Variants in FBH1 observed in about 807,000 individuals in gnomAD.
The protein encoded by FBH1 is F-box DNA helicase 1, also known as DNA 3'-5' helicase 1.
Under a neutral mutation model 115.5 loss-of-function variants are expected in FBH1, and 43 were observed. The ratio of observed to expected loss-of-function variants is 0.37; its 90% CI spans 0.29 to 0.48. The LOEUF (loss-of-function observed/expected upper bound fraction) is 0.48. FBH1 is among the 20% of genes least tolerant of loss of function. The pLI is 0.99. For missense variants in FBH1, 1,001 were observed against 1,337.3 expected, an observed-to-expected ratio of 0.75 and a Z score of 3.92; for synonymous variants, 524 against 507.8, an observed-to-expected ratio of 1.03 and a Z score of -0.43.
At chr10:5,893,749 G>A (rs56314564) in intron 1 of FBH1, among the ~76,000 whole-genome samples, 8,558 of 152,156 alleles carry the variant, frequency 0.056, 325 homozygotes, top group Non-Finnish European at 0.08. Flanking sequence ...TTATGGGTAG[G>A]CTTATTCACT....
chr10:5,918,298 G>A lies in FBH1; in HGVS notation c.1964-44G>A. 6.3e-7 allele frequency: 1 copy of A among 1,598,792 alleles called. No individual in the cohort carries two copies. The highest frequency in any genetic ancestry group is 8.5e-7 in the Non-Finnish European group (1 of 1,175,880). ...TGTCCTTTTCTTTTTGCTGCCTGGGGTGGAGGCCTCAAGGTTTCTCACTTT... is the reference window on the plus strand; with the variant it reads ...TGTCCTTTTCTTTTTGCTGCCTGGGATGGAGGCCTCAAGGTTTCTCACTTT... On this transcript the variant is annotated intron_variant, in intron 12 of 20. Coordinates refer to ENST00000362091, the MANE Select transcript of FBH1 (RefSeq NM_178150.3). This position sits in a 1 kb window ranked among gnomAD's most constrained non-coding sequence, Gnocchi z 4.0.
At position 5,897,385 on chromosome 10, in the gene FBH1, A is replaced by G. The variant is rs1247397392; in HGVS notation, c.2-5635A>G. On this transcript the variant is annotated intron_variant, in intron 1 of 20. Transcript: ENST00000362091. The surrounding 1 kb of genome is among the most constrained non-coding windows in gnomAD (Gnocchi z 4.7). ...GTGTAATTGCAGAGGAGGTGGACAC[A>G]GGGCTCCTGCGGAGGAGGTGGACAC... 6.6e-6 allele frequency among the ~76,000 whole-genome samples: 1 copy of G among 150,622 alleles called. No homozygotes were observed. Among genetic ancestry groups the G allele is most frequent in the African/African-American group, 2.5e-5 (1 of 40,578 alleles).
chr10:5,901,460 C>T (rs1257156487), intron 1 of FBH1, among the ~76,000 whole-genome samples: 1 of 151,546 alleles, frequency 6.6e-6, no homozygotes, highest in Non-Finnish European at 1.5e-5. Flanking sequence ...GCCCGACCTA[C>T]TGGAGTGTTT....
At position 5,924,727 on chromosome 10, in the gene FBH1, G is replaced by A. The variant is rs567346077; in HGVS notation, c.2596+219G>A. 319 of 600,102 alleles carry A rather than the reference G, an allele frequency of 5.3e-4. No homozygotes were observed. Among genetic ancestry groups the A allele is most frequent in the Admixed American group, 2.2e-3 (103 of 46,570 alleles). 37.2% of individuals were successfully genotyped at this position (600,102 alleles called of 1,614,324 possible). On this transcript the variant is annotated intron_variant, in intron 17 of 20. Coordinates refer to ENST00000362091, the MANE Select transcript of FBH1 (RefSeq NM_178150.3). This position sits in a 1 kb window ranked among gnomAD's most constrained non-coding sequence, Gnocchi z 6.2. ...GGACTACAGGCCCCACCACCAGCCC[G>A]GCTAGTTTGTGTATTTTTTGTAGAG...
rs758154944 is a variant in FBH1 at position 5,915,458 on chromosome 10, G to A, written c.1452G>A (p.Arg484=). 1.5e-5 allele frequency: 24 copies of A among 1,614,076 alleles called. No homozygotes were observed. In the South Asian group the frequency reaches 2.5e-4, roughly 17 times the overall value. The change falls in exon 9 of 21, where the codon AGG becomes AGA. Residue 484 remains arginine, a synonymous_variant. Transcript: ENST00000362091. This position sits in a 1 kb window ranked among gnomAD's most constrained non-coding sequence, Gnocchi z 5.2. ...ATGCAGAGAAGTGGTCTCAGAGCAG[G>A]TTTCTGTATGTGACATTCAACAAGA... The part of the protein sequence containing the change: ...VKYAEKWSQS[R]FLYVTFNKSI...
At chr10:5,891,220 ATGG>A (rs1842703973) in intron 1 of FBH1, 1 of 978,846 alleles carries the variant, frequency 1.0e-6, no homozygotes, top group Non-Finnish European at 1.2e-6. Context: ...GACTTCTGGA[ATGG>A]GCCCATGAAG....
Position 5,917,423 on chromosome 10 carries a change from G to T in FBH1, c.1792G>T (p.Gly598Cys), listed in dbSNP as rs374206202. The change falls in exon 11 of 21, where the codon GGT becomes TGT. Residue 598 changes from glycine (G) to cysteine (C), a missense_variant. Gly to Cys is a radical substitution (Grantham distance 159, BLOSUM62 -3). Coordinates refer to ENST00000362091, the MANE Select transcript of FBH1 (RefSeq NM_178150.3). The surrounding 1 kb of genome is among the most constrained non-coding windows in gnomAD (Gnocchi z 5.6). ...VMVEQSEKLN[G>C]VLEASRLWDN... Reference sequence around the variant, plus strand: ...TACCATATGCTTTACTTCCTAGAATGGTGTCCTTGAAGCGAGCCGCCTCTG... The same window carrying T: ...TACCATATGCTTTACTTCCTAGAATTGTGTCCTTGAAGCGAGCCGCCTCTG... The T allele has an allele frequency of 4.2e-5, 68 of 1,614,014 alleles. No individual in the cohort carries two copies. Among genetic ancestry groups the T allele is most frequent in the Non-Finnish European group, 5.8e-5 (68 of 1,179,924 alleles).
chr10:5,923,646 G>A lies in FBH1; in HGVS notation c.2348G>A (p.Arg783Lys). ...IGGIKSFGLD[R>K]IIDIWILLQP... Reference sequence around the variant, plus strand: ...GGGATTAAATCATTTGGATTGGACAGAATCATTGATATTTGGATCCTTCTT... The same window carrying A: ...GGGATTAAATCATTTGGATTGGACAAAATCATTGATATTTGGATCCTTCTT... Residue 783 changes from arginine (R) to lysine (K), a missense_variant, in exon 16 of 21, where the codon AGA becomes AAA. This residue lies in a region of FBH1 where 521 missense variants were observed against 811.0 expected (regional missense o/e 0.64). Transcript: ENST00000362091. This position sits in a 1 kb window ranked among gnomAD's most constrained non-coding sequence, Gnocchi z 5.7. 6.2e-7 allele frequency: 1 copy of A among 1,614,166 alleles called. No homozygotes were observed. Among genetic ancestry groups the A allele is most frequent in the Non-Finnish European group, 8.5e-7 (1 of 1,180,012 alleles).
At position 5,937,283 on chromosome 10, in the gene FBH1, A is replaced by G; in HGVS notation, c.*3A>G. ...CCCTGCTCTTCCTCGTCTTCTGAGG[A>G]CAAGGCGCACGTTCTCCGCAGTGCA... On this transcript the variant is annotated 3_prime_UTR_variant, in exon 21 of 21. Coordinates refer to ENST00000362091, the MANE Select transcript of FBH1 (RefSeq NM_178150.3). The G allele has an allele frequency of 1.3e-6, 2 of 1,594,590 alleles. No individual in the cohort carries two copies. The highest frequency in any genetic ancestry group is 4.5e-5 in the East Asian group (2 of 44,134).
chr10:5,894,456 G>A (rs1180969839), intron 1 of FBH1: 2 of 1,499,756 alleles, frequency 1.3e-6, no homozygotes, highest in African/African-American at 2.7e-5. Context: ...AGGGGAGTCA[G>A]GAGACCCGGG....
chr10:5,906,577 A>C lies in FBH1; in HGVS notation c.698A>C (p.Tyr233Ser), dbSNP rs373039906. Residue 233 changes from tyrosine (Y) to serine (S), a missense_variant, in exon 3 of 21, where the codon TAT (tyrosine) becomes TCT (serine). Transcript: ENST00000362091. The surrounding 1 kb of genome is among the most constrained non-coding windows in gnomAD (Gnocchi z 7.3). The part of the protein sequence containing the change: ...VFAFLPVEDL[Y>S]WNLSLVCHLW... ...GCCTTCCTCCCGGTGGAAGACCTCT[A>C]TTGGAACCTGAGCTTGGTGTGCCAC... The C allele has an allele frequency of 6.2e-7, 1 of 1,613,280 alleles. No homozygotes were observed.
Position 5,917,824 on chromosome 10 carries a change from C to A in FBH1, c.1963+148C>A. The A allele has an allele frequency of 1.4e-6, 1 of 718,454 alleles. No individual in the cohort carries two copies. Among genetic ancestry groups the A allele is most frequent in the South Asian group, 1.8e-5 (1 of 56,330 alleles). 44.5% of individuals were successfully genotyped at this position (718,454 alleles called of 1,614,324 possible). A position where few individuals can be genotyped will look rare whatever the true frequency, so the allele number is the denominator to read the frequency against. On this transcript the variant is annotated intron_variant, in intron 12 of 20. Transcript: ENST00000362091. The surrounding 1 kb of genome is among the most constrained non-coding windows in gnomAD (Gnocchi z 5.6). ...ATACTTACCTTAGGATTTCAAGCTG[C>A]CCCTTCCCCTCACCCAAGCAGATTT...
chr10:5,916,515 T>G, intron 10 of FBH1, 59 bp downstream of exon 10: 1 of 1,562,432 alleles, frequency 6.4e-7, no homozygotes, highest in Non-Finnish European at 8.8e-7. Flanking sequence ...AGGGGAAGTG[T>G]TAGGGATCTG....
At chr10:5,905,461 T>G (rs1364776373) in intron 2 of FBH1, among the ~76,000 whole-genome samples, 2 of 152,202 alleles carry the variant, frequency 1.3e-5, no homozygotes, top group Non-Finnish European at 2.9e-5. Flanking sequence ...GTGGTTGCAG[T>G]GAGCCAAGAT....
rs34455477 is a variant in FBH1, at chr10:5,897,273, T to C, written c.2-5747T>C. On this transcript the variant is annotated intron_variant, in intron 1 of 20. Transcript: ENST00000362091. This position sits in a 1 kb window ranked among gnomAD's most constrained non-coding sequence, Gnocchi z 4.7. Reference sequence around the variant, plus strand: ...AATCCTCGTTTTCATAAGCAAGGCTTTGGCGATGAATATACCTGCCAAGTG... The same window carrying C: ...AATCCTCGTTTTCATAAGCAAGGCTCTGGCGATGAATATACCTGCCAAGTG... 0.032 allele frequency among the ~76,000 whole-genome samples: 4,901 copies of C among 152,294 alleles called. 160 individuals are homozygous for C. The highest frequency in any genetic ancestry group is 0.14 in the East Asian group (720 of 5,176).
rs1277625311 is a variant in FBH1, at chr10:5,931,192, C to T, written c.2829+3651C>T. On this transcript the variant is annotated intron_variant, in intron 19 of 20. Coordinates refer to ENST00000362091, the MANE Select transcript of FBH1 (RefSeq NM_178150.3). This position sits in a 1 kb window ranked among gnomAD's most constrained non-coding sequence, Gnocchi z 4.3. ...CATCACGGAGCTGTCCTGGTGGCCC[C>T]TGGCCATCCTAGCACCCTCCCTCCT... Among the ~76,000 whole-genome samples the T allele has an allele frequency of 6.6e-6, 1 of 152,246 alleles. No individual in the cohort carries two copies. The highest frequency in any genetic ancestry group is 1.5e-5 in the Non-Finnish European group (1 of 68,038).
In FBH1 at chr10:5,914,225, A is replaced by G; in HGVS notation, c.1352A>G (p.His451Arg). The part of the protein sequence containing the change: ...LTHEQQLILN[H>R]KMEPLQVVKI... The stretch of plus-strand genomic sequence containing the variant: ...CATGAACAACAGCTGATTCTGAATC[A>G]CAAGATGGAACCTCTCCAGGTGGTG... Residue 451 changes from histidine (H) to arginine (R), a missense_variant, in exon 8 of 21, where the codon CAC becomes CGC. His to Arg is a conservative substitution (Grantham distance 29, BLOSUM62 0). Coordinates refer to ENST00000362091, the MANE Select transcript of FBH1 (RefSeq NM_178150.3). The surrounding 1 kb of genome is among the most constrained non-coding windows in gnomAD (Gnocchi z 5.2). 1 of 1,614,270 alleles carries G rather than the reference A, an allele frequency of 6.2e-7. No individual in the cohort carries two copies. Among genetic ancestry groups the G allele is most frequent in the Non-Finnish European group, 8.5e-7 (1 of 1,180,058 alleles).
At chr10:5,908,056 T>A (rs1351153546) in intron 3 of FBH1, among the ~76,000 whole-genome samples, 1 of 152,198 alleles carries the variant, frequency 6.6e-6, no homozygotes, top group Non-Finnish European at 1.5e-5. Flanking sequence ...GATCCTCTGT[T>A]TTCCTTATTT....
intron 1 of FBH1, among the ~76,000 whole-genome samples, chr10:5,898,576 A>T (rs889425087): frequency 6.6e-6 from 1 of 152,012 alleles, no homozygotes; most frequent in African/African-American, 2.4e-5. Context: ...ACACCTGGCT[A>T]ATTTTTATAT....
Sources: gnomAD v4.1 joint callset for allele counts (sites outside exome capture counted in the v4.1 genomes callset) on GRCh38, gnomAD v4.1.1 for gene constraint, gnomAD v4.1.1 regional missense constraint, Gnocchi (gnomAD v3.1) non-coding constraint, MANE v1.5 for transcripts, NCBI Gene and HGNC (gene_info 2026-07-23, HGNC 2026-07-21) for gene names.